C22orf39: variants seen among roughly 807,000 people sequenced by gnomAD.
The protein encoded by C22orf39 is chromosome 22 open reading frame 39.
A neutral mutation model predicts 18.3 loss-of-function variants in C22orf39; 20 were observed. The ratio of observed to expected loss-of-function variants is 1.09; its 90% confidence interval spans 0.77 to 1.59. C22orf39 has a LOEUF of 1.59. C22orf39 is among the 40% of genes most tolerant of loss of function. The pLI, the probability that C22orf39 is intolerant of heterozygous loss-of-function variation, is 0.00. For missense variants in C22orf39, 195 were observed against 156.1 expected (o/e 1.25, Z -1.33); for synonymous variants, 63 against 59.6 (o/e 1.06, Z -0.26).
Position 19,444,263 on chromosome 22 carries a change from T to C in C22orf39, c.*2A>G. The C allele has an allele frequency of 1.9e-6, 3 of 1,578,842 alleles. No individual in the cohort carries two copies. Among genetic ancestry groups the C allele is most frequent in the Non-Finnish European group, 2.6e-6 (3 of 1,167,388 alleles). ...TGCACAGGCCAATGGCAGGGATGCT[T>C]GTCACTCGTCCTTCTCCTGTGGCAG... On this transcript the variant is annotated 3_prime_UTR_variant, in exon 3 of 3. Transcript: ENST00000399562.
chr22:19,445,673 AT>A (rs535257361), intron 2 of C22orf39, among the ~76,000 whole-genome samples: 1 of 151,198 alleles, frequency 6.6e-6, no homozygotes, highest in Non-Finnish European at 1.5e-5. Context: ...TGGCCATTTG[AT>A]TTTTTCTTTT....
intron 2 of C22orf39, among the ~76,000 whole-genome samples, chr22:19,444,647 T>A (rs879762918): frequency 2.1e-4 from 32 of 152,344 alleles, no homozygotes; most frequent in Middle Eastern, 3.4e-3. Context: ...GAGGAATTTT[T>A]AAATATCTTC....
chr22:19,440,938 T>TA lies in C22orf39; in HGVS notation c.*3326dup, dbSNP rs1430087000. ...AATTATAGATTCACAGGAGGTTGCA[T>TA]AGGAGGTTGTCTAGGGAGGTCCTGG... On this transcript the variant is annotated 3_prime_UTR_variant, in exon 3 of 3. Coordinates refer to ENST00000399562, the MANE Select transcript of C22orf39 (RefSeq NM_173793.5). 2 of 152,226 alleles carry TA rather than the reference T, an allele frequency of 1.3e-5. No homozygotes were observed. The highest frequency in any genetic ancestry group is 4.8e-5 in the African/African-American group (2 of 41,448). 9.4% of individuals were successfully genotyped at this position (152,226 alleles called of 1,614,324 possible).
chr22:19,443,882 A>C lies in C22orf39; in HGVS notation c.*383T>G. ...TTCACAGTGGCACAACTGTTTAGCT[A>C]CCTCATTATGACCCACCTGTGTGTC... On this transcript the variant is annotated 3_prime_UTR_variant, in exon 3 of 3. Coordinates refer to ENST00000399562, the MANE Select transcript of C22orf39 (RefSeq NM_173793.5). The C allele has an allele frequency of 1.0e-6, 1 of 998,134 alleles. No homozygotes were observed. 61.8% of individuals were successfully genotyped at this position (998,134 alleles called of 1,614,324 possible). A position where few individuals can be genotyped will look rare whatever the true frequency, so the allele number is the denominator to read the frequency against.
In C22orf39 at chr22:19,444,296, T is replaced by G. The variant is rs1432810501; in HGVS notation, c.287A>C (p.His96Pro). Residue 96 changes from histidine (H) to proline (P), a missense_variant, in exon 3 of 3, where the codon CAT (histidine) becomes CCT (proline). By Grantham distance (77) the His-to-Pro change is moderately conservative. Coordinates refer to ENST00000399562, the MANE Select transcript of C22orf39 (RefSeq NM_173793.5). The stretch of plus-strand genomic sequence containing the variant: ...GTCCTTCTCCTGTGGCAGAGGGAGA[T>G]GCCAGTCTGGAGGGGGGCTCTGCCT... Reference protein sequence around the residue: ...APRQSPPPDWHLPLPQEKDE With the variant: ...APRQSPPPDWPLPLPQEKDE 1 of 1,599,006 alleles carries G rather than the reference T, an allele frequency of 6.3e-7. No homozygotes were observed.
rs1216534898 is a variant in C22orf39 at position 19,441,447 on chromosome 22, CTA to C, written c.*2816_*2817del. ...TGTTTTGTATTTCAACAATAATATG[CTA>C]TATATAACAGTCTATGCCAGATAAT... On this transcript the variant is annotated 3_prime_UTR_variant, in exon 3 of 3. Transcript: ENST00000399562. 7.4e-6 allele frequency: 4 copies of C among 538,832 alleles called. No individual in the cohort carries two copies. In the African/African-American group the frequency reaches 7.7e-5, roughly 10 times the overall value. The allele number at this position is 538,832 out of a possible 1,614,324, so 33.4% of individuals were successfully genotyped here.
rs1231289537 is a variant in C22orf39 at position 19,441,687 on chromosome 22, C to T, written c.*2578G>A. On this transcript the variant is annotated 3_prime_UTR_variant, in exon 3 of 3. Coordinates refer to ENST00000399562, the MANE Select transcript of C22orf39 (RefSeq NM_173793.5). ...GAGATTACAGGTGTGAGCCACCACA[C>T]TTAGCACCTGTCCAAAAAGTTTGAA... The T allele has an allele frequency of 1.1e-5, 17 of 1,547,160 alleles. No individual in the cohort carries two copies. The highest frequency in any genetic ancestry group is 1.3e-5 in the Non-Finnish European group (15 of 1,143,526).
chr22:19,441,715 A>T lies in C22orf39; in HGVS notation c.*2550T>A, dbSNP rs202005039. The T allele has an allele frequency of 2.2e-4, 337 of 1,549,030 alleles. No individual in the cohort carries two copies. Among genetic ancestry groups the T allele is most frequent in the Middle Eastern group, 1.7e-3 (10 of 5,990 alleles). ...AGCACCTGTCCAAAAAGTTTGAAAG[A>T]TATTGCTCTTATTACAGTATTTGTT... On this transcript the variant is annotated 3_prime_UTR_variant, in exon 3 of 3. Transcript: ENST00000399562.
rs556903035 is a variant in C22orf39 at position 19,444,453 on chromosome 22, C to T, written c.193-63G>A. 7.4e-4 allele frequency: 1,130 copies of T among 1,530,648 alleles called. 2 individuals are homozygous for T. The highest frequency in any genetic ancestry group is 1.9e-3 in the South Asian group (159 of 82,972). 94.8% of individuals were successfully genotyped at this position (1,530,648 alleles called of 1,614,324 possible). On this transcript the variant is annotated intron_variant, in intron 2 of 2. Transcript: ENST00000399562. ...AGCACCCTCAAGACCCCTGTACCTC[C>T]CCCCTCTCATCACCCTCTGAAACAC...
chr22:19,445,301 A>AT (rs1276129021), intron 2 of C22orf39, among the ~76,000 whole-genome samples: 1 of 152,206 alleles, frequency 6.6e-6, no homozygotes, highest in Non-Finnish European at 1.5e-5. Context: ...AATACACTGT[A>AT]GGCACTTTTC....
Position 19,443,074 on chromosome 22 carries a change from GCACAAC to G in C22orf39, c.*1185_*1190del. On this transcript the variant is annotated 3_prime_UTR_variant, in exon 3 of 3. Transcript: ENST00000399562. ...TGCTCCTGCTCTTGGGATCCCGTGA[GCACAAC>G]CCCCACCCCCACCCCCACTGTTCAC... 2.0e-5 allele frequency: 19 copies of G among 926,906 alleles called. No homozygotes were observed. Among genetic ancestry groups the G allele is most frequent in the Non-Finnish European group, 2.3e-5 (18 of 777,006 alleles). The allele number at this position is 926,906 out of a possible 1,614,324, so 57.4% of individuals were successfully genotyped here.
Position 19,441,690 on chromosome 22 carries a change from A to T in C22orf39, c.*2575T>A. On this transcript the variant is annotated 3_prime_UTR_variant, in exon 3 of 3. Transcript: ENST00000399562. ...ATTACAGGTGTGAGCCACCACACTT[A>T]GCACCTGTCCAAAAAGTTTGAAAGA... The T allele has an allele frequency of 6.5e-7, 1 of 1,548,594 alleles. No homozygotes were observed. The highest frequency in any genetic ancestry group is 8.7e-7 in the Non-Finnish European group (1 of 1,144,574).
intron 2 of C22orf39, among the ~76,000 whole-genome samples, 183 bp downstream of exon 2, chr22:19,447,195 C>A (rs1484490246): frequency 6.6e-6 from 1 of 152,228 alleles, no homozygotes; most frequent in Non-Finnish European, 1.5e-5. Context: ...CTTTGTCTTT[C>A]ACGCCCTCTG....
chr22:19,447,366 C>A lies in C22orf39; in HGVS notation c.192+12G>T. The A allele has an allele frequency of 6.8e-7, 1 of 1,481,384 alleles. No homozygotes were observed. The highest frequency in any genetic ancestry group is 2.3e-5 in the Admixed American group (1 of 43,966). 91.8% of individuals were successfully genotyped at this position (1,481,384 alleles called of 1,614,324 possible). A position where few individuals can be genotyped will look rare whatever the true frequency, so the allele number is the denominator to read the frequency against. On this transcript the variant is annotated intron_variant, in intron 2 of 2. Coordinates refer to ENST00000399562, the MANE Select transcript of C22orf39 (RefSeq NM_173793.5). ...GCGCTCCGAAGCGCCGCCCCGCTCCCTCCCGGCGCACCTGGGCCTCGGCGT... is the reference window on the plus strand; with the variant it reads ...GCGCTCCGAAGCGCCGCCCCGCTCCATCCCGGCGCACCTGGGCCTCGGCGT...
rs2089619268 is a variant in C22orf39 at position 19,442,592 on chromosome 22, A to T, written c.*1673T>A. 1 of 152,170 alleles carries T rather than the reference A, an allele frequency of 6.6e-6. No individual in the cohort carries two copies. Among genetic ancestry groups the T allele is most frequent in the Non-Finnish European group, 1.5e-5 (1 of 68,062 alleles). The allele number at this position is 152,170 out of a possible 1,614,324, so 9.4% of individuals were successfully genotyped here. ...ATTTTATTATTTTATCTTTGAGACA[A>T]GAGTCTCACTCTGTCGCCCAGGCTG... On this transcript the variant is annotated 3_prime_UTR_variant, in exon 3 of 3. Coordinates refer to ENST00000399562, the MANE Select transcript of C22orf39 (RefSeq NM_173793.5).
At chr22:19,447,286 G>A in intron 2 of C22orf39, 92 bp downstream of exon 2, 1 of 1,299,230 alleles carries the variant, frequency 7.7e-7, no homozygotes, top group South Asian at 1.8e-5. Context: ...GTCAGTCCCC[G>A]GCTAGGTCGC....
At chr22:19,447,345 T>G (rs1324190231) in intron 2 of C22orf39, 33 bp downstream of exon 2, 2 of 1,439,596 alleles carry the variant, frequency 1.4e-6, no homozygotes, top group Non-Finnish European at 1.8e-6. Flanking sequence ...CGCAAGGCGC[T>G]CCGAAGCGCC....
Position 19,444,149 on chromosome 22 carries a change from G to C in C22orf39, c.*116C>G. The C allele has an allele frequency of 1.4e-6, 2 of 1,417,426 alleles. No homozygotes were observed. Among genetic ancestry groups the C allele is most frequent in the Non-Finnish European group, 1.8e-6 (2 of 1,094,932 alleles). The allele number at this position is 1,417,426 out of a possible 1,614,324, so 87.8% of individuals were successfully genotyped here. A position where few individuals can be genotyped will look rare whatever the true frequency, so the allele number is the denominator to read the frequency against. On this transcript the variant is annotated 3_prime_UTR_variant, in exon 3 of 3. Transcript: ENST00000399562. ...AATGTCCTGCTCCATGTTCCTGTGA[G>C]CAAGAGCTCACAGGGACCCACCAGA...
At chr22:19,446,085 G>A (rs1413602320) in intron 2 of C22orf39, among the ~76,000 whole-genome samples, 2 of 152,068 alleles carry the variant, frequency 1.3e-5, no homozygotes, top group Non-Finnish European at 2.9e-5. Context: ...CCAAAGTGCC[G>A]AGATTACAGG....
Sources: gnomAD v4.1 joint callset for allele counts (sites outside exome capture counted in the v4.1 genomes callset) on GRCh38, gnomAD v4.1.1 for gene constraint, MANE v1.5 for transcripts, NCBI Gene and HGNC (gene_info 2026-07-23, HGNC 2026-07-21) for gene names.